PAPPA: variants seen among roughly 807,000 people sequenced by gnomAD.
PAPPA encodes the protein pappalysin 1, also known as pappalysin-1.
Under a neutral mutation model 164.0 loss-of-function variants are expected in PAPPA, and 60 were observed. The ratio of observed to expected loss-of-function variants is 0.37; its 90% confidence interval spans 0.30 to 0.45. The LOEUF (loss-of-function observed/expected upper bound fraction) is 0.45. Ranked by LOEUF, PAPPA falls within the 20% of genes least tolerant of loss-of-function variation. The pLI is 1.00. For missense variants in PAPPA, 1,782 were observed against 2,087.3 expected, an observed-to-expected ratio of 0.85 and a Z score of 2.85; for synonymous variants, 875 against 814.1, an observed-to-expected ratio of 1.07 and a Z score of -1.27.
rs139800110 is a variant in PAPPA, at chr9:116,362,680, C to A, written c.4436C>A (p.Ser1479Ter). ...TGCCAGGAGATGCAAGGCCAGTGCTCGGTTCCAAACGAGCTCAACAGCAAC... is the reference window on the plus strand; with the variant it reads ...TGCCAGGAGATGCAAGGCCAGTGCTAGGTTCCAAACGAGCTCAACAGCAAC... ...HVCQEMQGQC[S>*]VPNELNSNLK... Residue 1479 changes from serine (S) to a stop codon, truncating the protein, a stop_gained, in exon 18 of 22, where the codon TCG becomes TAG. Coordinates refer to ENST00000328252, the MANE Select transcript of PAPPA (RefSeq NM_002581.5). LOFTEE classifies it high-confidence loss of function. 1 of 1,614,012 alleles carries A rather than the reference C, an allele frequency of 6.2e-7. No homozygotes were observed. The highest frequency in any genetic ancestry group is 8.5e-7 in the Non-Finnish European group (1 of 1,179,962).
chr9:116,169,043 G>A (rs1315852816), intron 1 of PAPPA, among the ~76,000 whole-genome samples: 4 of 152,184 alleles, frequency 2.6e-5, no homozygotes, highest in South Asian at 2.1e-4. Context: ...GTGATTGAAT[G>A]TGAGTGCTGT....
At chr9:116,351,685 T>C (rs1170891354) in intron 15 of PAPPA, among the ~76,000 whole-genome samples, 1 of 152,196 alleles carries the variant, frequency 6.6e-6, no homozygotes, top group Non-Finnish European at 1.5e-5. Flanking sequence ...CACCTCTTTC[T>C]GAGTCTTCAT....
In PAPPA at chr9:116,400,479, G is replaced by A. The variant is rs1349240108; in HGVS notation, c.*3863G>A. 6.6e-6 allele frequency: 1 copy of A among 151,936 alleles called. No homozygotes were observed. Among genetic ancestry groups the A allele is most frequent in the Non-Finnish European group, 1.5e-5 (1 of 67,968 alleles). 9.4% of individuals were successfully genotyped at this position (151,936 alleles called of 1,614,324 possible). On this transcript the variant is annotated 3_prime_UTR_variant, in exon 22 of 22. Coordinates refer to ENST00000328252, the MANE Select transcript of PAPPA (RefSeq NM_002581.5). ...GTAGGGAGTGGGAGGGCTTATATTG[G>A]TTTTTCCAGCTATTAAGGGGACATA...
chr9:116,325,247 G>T (rs1468896843), intron 10 of PAPPA, among the ~76,000 whole-genome samples: 1 of 152,064 alleles, frequency 6.6e-6, no homozygotes, highest in Non-Finnish European at 1.5e-5. Context: ...AAGCCTCTGA[G>T]CCTCATTTTC....
chr9:116,184,661 T>G (rs767253965), intron 1 of PAPPA, among the ~76,000 whole-genome samples: 1 of 152,190 alleles, frequency 6.6e-6, no homozygotes, highest in Non-Finnish European at 1.5e-5. Flanking sequence ...GCCCCATACG[T>G]ACAACTAGTA....
chr9:116,200,982 C>A (rs576599233), intron 2 of PAPPA, among the ~76,000 whole-genome samples: 1 of 152,268 alleles, frequency 6.6e-6, no homozygotes, highest in African/African-American at 2.4e-5. Flanking sequence ...GGCTTCCATA[C>A]AAAATCTGTT....
At chr9:116,237,816 T>G (rs975895263) in intron 7 of PAPPA, among the ~76,000 whole-genome samples, 2 of 151,708 alleles carry the variant, frequency 1.3e-5, no homozygotes, top group Non-Finnish European at 2.9e-5. Flanking sequence ...ACCCCCCAGG[T>G]ATAAGCAATT....
chr9:116,320,314 G>A (rs1451500614), intron 10 of PAPPA, among the ~76,000 whole-genome samples: 1 of 152,186 alleles, frequency 6.6e-6, no homozygotes, highest in Non-Finnish European at 1.5e-5. Context: ...ATGTGTTAGG[G>A]ACAGATCCCT....
rs1271871929 is a variant in PAPPA, at chr9:116,397,818, ATTATCC to A, written c.*1216_*1221del. The A allele has an allele frequency of 8.5e-5, 13 of 152,668 alleles. No individual in the cohort carries two copies. The highest frequency in any genetic ancestry group is 2.7e-4 in the African/African-American group (11 of 41,470). The allele number at this position is 152,668 out of a possible 1,614,324, so 9.5% of individuals were successfully genotyped here. On this transcript the variant is annotated 3_prime_UTR_variant, in exon 22 of 22. Coordinates refer to ENST00000328252, the MANE Select transcript of PAPPA (RefSeq NM_002581.5). ...CTGGAATTGTCGAGACTTTTGGATT[ATTATCC>A]TTATCCTTATCCTAATCTTCCTAGC...
chr9:116,178,479 C>G (rs1843863239), intron 1 of PAPPA, among the ~76,000 whole-genome samples: 1 of 152,130 alleles, frequency 6.6e-6, no homozygotes, highest in African/African-American at 2.4e-5. Flanking sequence ...TGCAAATGAG[C>G]CTTTGGATTC....
At chr9:116,208,538 A>G (rs1398949855) in intron 3 of PAPPA, among the ~76,000 whole-genome samples, 1 of 152,170 alleles carries the variant, frequency 6.6e-6, no homozygotes, top group African/African-American at 2.4e-5. Context: ...CATTTATTTA[A>G]TCATTTTCCG....
At chr9:116,394,208 T>C (rs1241532589) in intron 21 of PAPPA, among the ~76,000 whole-genome samples, 1 of 151,922 alleles carries the variant, frequency 6.6e-6, no homozygotes, top group Non-Finnish European at 1.5e-5. Flanking sequence ...TGGGGGACAA[T>C]AGGCAGGAAA....
At chr9:116,204,196 A>G (rs1421736884) in intron 2 of PAPPA, among the ~76,000 whole-genome samples, 2 of 152,182 alleles carry the variant, frequency 1.3e-5, no homozygotes, top group South Asian at 2.1e-4. Context: ...TTGTCCACAG[A>G]TATAGGTCTA....
At chr9:116,362,538 T>C in intron 17 of PAPPA, 54 bp from the exon 18 acceptor site, 3 of 1,566,200 alleles carry the variant, frequency 1.9e-6, no homozygotes, top group Non-Finnish European at 2.6e-6. Context: ...GAATAGCTTA[T>C]TCAATTGGGG....
chr9:116,348,487 GT>G (rs1188971565), intron 15 of PAPPA, among the ~76,000 whole-genome samples: 1 of 151,774 alleles, frequency 6.6e-6, no homozygotes, highest in Non-Finnish European at 1.5e-5. Context: ...AAGGACAACA[GT>G]TTTTTTAAAA....
intron 9 of PAPPA, among the ~76,000 whole-genome samples, chr9:116,289,534 A>G (rs1005536112): frequency 2.0e-5 from 3 of 151,866 alleles, no homozygotes; most frequent in African/African-American, 7.3e-5. Flanking sequence ...TATTTGTATA[A>G]TAAGCCTTAA....
chr9:116,325,022 T>C (rs1337700981), intron 10 of PAPPA, among the ~76,000 whole-genome samples: 1 of 152,096 alleles, frequency 6.6e-6, no homozygotes, highest in African/African-American at 2.4e-5. Flanking sequence ...AAGTTAATTA[T>C]GGGGAGCATT....
At chr9:116,327,817 C>T (rs1845940188) in intron 10 of PAPPA, among the ~76,000 whole-genome samples, 1 of 152,186 alleles carries the variant, frequency 6.6e-6, no homozygotes, top group East Asian at 1.9e-4. Flanking sequence ...CCTCTCTCTT[C>T]CTCTCCAGCC....
intron 1 of PAPPA, among the ~76,000 whole-genome samples, chr9:116,178,880 C>T (rs1045232713): frequency 6.6e-5 from 10 of 152,160 alleles, no homozygotes; most frequent in African/African-American, 9.7e-5. Flanking sequence ...AACCTTTCTA[C>T]GTCCATGCAG....
Sources: allele counts gnomAD v4.1 joint callset (sites outside exome capture counted in the v4.1 genomes callset), GRCh38; gene constraint gnomAD v4.1.1; transcripts MANE v1.5; gene names NCBI Gene and HGNC (gene_info 2026-07-23, HGNC 2026-07-21).